The following SHISA9 variants were observed in gnomAD, a reference collection of about 807,000 sequenced individuals.
The protein encoded by SHISA9 is protein shisa-9.
In SHISA9, 13 loss-of-function variants were observed where a neutral mutation model predicts 38.0. The observed-to-expected ratio is 0.34, with a 90% CI of 0.22 to 0.54. The LOEUF is 0.54. Ranked by LOEUF, SHISA9 falls within the 20% of genes least tolerant of loss-of-function variation. SHISA9 has a pLI of 0.91. For synonymous variants in SHISA9, 275 were observed against 242.0 expected (o/e 1.14, Z -1.27); for missense variants, 538 against 575.8 (o/e 0.93, Z 0.67).
the SHISA9 span, chr16:13,474,276 G>A: frequency 1.3e-5 from 2 of 151,534 alleles, no homozygotes; most frequent in Non-Finnish European, 2.9e-5. Flanking sequence ...ATTCTGCCTG[G>A]AGGACCTCCC....
At chr16:13,264,601 C>T in the SHISA9 span, among the ~76,000 whole-genome samples, 1 of 152,112 alleles carries the variant, frequency 6.6e-6, no homozygotes, top group Admixed American at 6.5e-5. Flanking sequence ...TAGTAGTTCT[C>T]CTATTCTTCA....
chr16:13,161,639 GTCTT>G (rs771177555), intron 2 of SHISA9, among the ~76,000 whole-genome samples: 30 of 152,246 alleles, frequency 2.0e-4, no homozygotes, highest in Non-Finnish European at 4.3e-4. Context: ...AACAGAATGA[GTCTT>G]TCTTGTCTCT....
chr16:13,002,864 G>A (rs2072543689), intron 2 of SHISA9, among the ~76,000 whole-genome samples: 1 of 151,970 alleles, frequency 6.6e-6, no homozygotes, highest in South Asian at 2.1e-4. Context: ...TGCTGGAGTA[G>A]GAATTTAGGC....
At chr16:12,919,295 G>A (rs1180635032) in intron 2 of SHISA9, among the ~76,000 whole-genome samples, 1 of 152,096 alleles carries the variant, frequency 6.6e-6, no homozygotes, top group African/African-American at 2.4e-5. Context: ...ATTATGAGAT[G>A]TACAAGGATT....
chr16:13,311,492 C>G, the SHISA9 span, among the ~76,000 whole-genome samples: 2 of 152,134 alleles, frequency 1.3e-5, no homozygotes, highest in Non-Finnish European at 2.9e-5. Flanking sequence ...TTCCTTTTAA[C>G]TCCTGGGAGG....
At chr16:12,917,135 C>G (rs1473817716) in intron 2 of SHISA9, among the ~76,000 whole-genome samples, 8 of 152,216 alleles carry the variant, frequency 5.3e-5, no homozygotes, top group African/African-American at 1.9e-4. Context: ...TGGTTGGATA[C>G]TTAGTTAACC....
chr16:13,351,730 C>T, the SHISA9 span, among the ~76,000 whole-genome samples: 8 of 152,288 alleles, frequency 5.3e-5, no homozygotes, highest in African/African-American at 1.2e-4. Context: ...GCATAAATAG[C>T]GTTCAGCTGT....
chr16:13,398,729 C>A, the SHISA9 span, among the ~76,000 whole-genome samples: 10 of 152,000 alleles, frequency 6.6e-5, no homozygotes, highest in South Asian at 2.1e-3. Flanking sequence ...CCAGGCTGGT[C>A]TTGAACTCCT....
chr16:13,121,420 T>A (rs975218219), intron 2 of SHISA9, among the ~76,000 whole-genome samples: 6 of 152,028 alleles, frequency 3.9e-5, no homozygotes, highest in African/African-American at 1.4e-4. Context: ...TGAACACAAG[T>A]GTTTGAGACT....
At chr16:13,383,747 C>T in the SHISA9 span, among the ~76,000 whole-genome samples, 1 of 152,140 alleles carries the variant, frequency 6.6e-6, no homozygotes, top group Non-Finnish European at 1.5e-5. Context: ...ACCTCCCAGG[C>T]TCAAGCGATC....
chr16:12,994,801 T>C (rs1329499104), intron 2 of SHISA9, among the ~76,000 whole-genome samples: 1 of 152,172 alleles, frequency 6.6e-6, no homozygotes, highest in African/African-American at 2.4e-5. Context: ...AGGATGTCCG[T>C]ATCTTTGGCA....
chr16:12,956,239 G>A (rs1357557080), intron 2 of SHISA9, among the ~76,000 whole-genome samples: 1 of 152,154 alleles, frequency 6.6e-6, no homozygotes, highest in Non-Finnish European at 1.5e-5. Flanking sequence ...ACAGATGTTG[G>A]CATGGATGTG....
chr16:13,226,616 A>C (rs973384475), intron 4 of SHISA9, among the ~76,000 whole-genome samples: 4 of 152,230 alleles, frequency 2.6e-5, no homozygotes, highest in African/African-American at 9.6e-5. Context: ...GTTGCTGAGC[A>C]TAGCAACCAT....
the SHISA9 span, among the ~76,000 whole-genome samples, chr16:13,335,764 G>T: frequency 6.6e-6 from 1 of 152,096 alleles, no homozygotes; most frequent in African/African-American, 2.4e-5. Context: ...TTTTGGGGGG[G>T]ATCGGAGACT....
chr16:13,334,585 T>C, the SHISA9 span, among the ~76,000 whole-genome samples: 1 of 151,854 alleles, frequency 6.6e-6, no homozygotes, highest in East Asian at 1.9e-4. Context: ...CCATCCTGGC[T>C]AACATGGTGA....
chr16:12,902,152 G>C lies in SHISA9; in HGVS notation c.88G>C (p.Gly30Arg), dbSNP rs764314145. The change falls in exon 1 of 5, where the codon GGG (glycine) becomes CGG (arginine). Residue 30 changes from glycine (G) to arginine (R), a missense_variant. By Grantham distance (125) the Gly-to-Arg change is moderately radical. Coordinates refer to ENST00000558583, the MANE Select transcript of SHISA9 (RefSeq NM_001145204.3). The part of the protein sequence containing the change: ...VCRAQERAGH[G>R]QLAQLGGVLL... Reference sequence around the variant, plus strand: ...CCGGGCGCAGGAGCGAGCGGGACACGGGCAGCTGGCGCAACTGGGCGGCGT... The same window carrying C: ...CCGGGCGCAGGAGCGAGCGGGACACCGGCAGCTGGCGCAACTGGGCGGCGT... The C allele has an allele frequency of 1.1e-5, 17 of 1,498,218 alleles. No homozygotes were observed. The highest frequency in any genetic ancestry group is 1.4e-5 in the Non-Finnish European group (16 of 1,126,226). The allele number at this position is 1,498,218 out of a possible 1,614,324, so 92.8% of individuals were successfully genotyped here.
chr16:13,513,354 C>G, the SHISA9 span, among the ~76,000 whole-genome samples: 1 of 152,128 alleles, frequency 6.6e-6, no homozygotes, highest in African/African-American at 2.4e-5. Context: ...GCTGGCGAGG[C>G]TGTGGAGAAA....
intron 2 of SHISA9, among the ~76,000 whole-genome samples, chr16:13,002,617 C>G (rs866211220): frequency 1.0e-4 from 15 of 150,358 alleles, no homozygotes; most frequent in Admixed American, 2.7e-4. Context: ...ACTGCAACCT[C>G]CACCCCCTGG....
At chr16:13,141,956 TG>T (rs2050405606) in intron 2 of SHISA9, among the ~76,000 whole-genome samples, 1 of 152,220 alleles carries the variant, frequency 6.6e-6, no homozygotes, top group Non-Finnish European at 1.5e-5. Context: ...TTGACAACCC[TG>T]GAGAGACAGA....
Sources: gnomAD v4.1 joint callset for allele counts (sites outside exome capture counted in the v4.1 genomes callset) on GRCh38, gnomAD v4.1.1 for gene constraint, MANE v1.5 for transcripts, NCBI Gene and HGNC (gene_info 2026-07-23, HGNC 2026-07-21) for gene names.